SERINC5: variants seen among roughly 807,000 people sequenced by gnomAD.
SERINC5 encodes the protein serine incorporator 5, also known as chromosome 5 open reading frame 12.
Under a neutral mutation model 63.1 loss-of-function variants are expected in SERINC5, and 41 were observed. That is an observed-to-expected ratio of 0.65 (90% CI 0.51 to 0.84). SERINC5 has a LOEUF of 0.84. SERINC5 is among the 40% of genes least tolerant of loss of function. SERINC5 has a pLI of 0.00. For synonymous variants in SERINC5, 222 were observed against 215.2 expected, an observed-to-expected ratio of 1.03 and a Z score of -0.28; for missense variants, 523 against 573.0, an observed-to-expected ratio of 0.91 and a Z score of 0.89.
chr5:80,178,506 G>T (rs1423568027), intron 2 of SERINC5, among the ~76,000 whole-genome samples: 2 of 148,904 alleles, frequency 1.3e-5, no homozygotes, highest in African/African-American at 5.0e-5. Context: ...GGGACTACAG[G>T]CACGCACCAC....
intron 11 of SERINC5, among the ~76,000 whole-genome samples, chr5:80,118,761 A>G (rs903816684): frequency 3.3e-5 from 4 of 121,310 alleles, no homozygotes; most frequent in African/African-American, 1.3e-4. Flanking sequence ...TGCCATGTTG[A>G]CAAGGCTGCC....
intron 2 of SERINC5, among the ~76,000 whole-genome samples, 192 bp downstream of exon 2, chr5:80,202,694 G>C (rs1749917241): frequency 6.6e-6 from 1 of 152,164 alleles, no homozygotes; most frequent in Non-Finnish European, 1.5e-5. Context: ...TCAAGCTGTT[G>C]ATTGGTTTTC....
At chr5:80,191,263 T>C (rs1439247784) in intron 2 of SERINC5, among the ~76,000 whole-genome samples, 2 of 152,076 alleles carry the variant, frequency 1.3e-5, no homozygotes, top group Non-Finnish European at 2.9e-5. Context: ...ACAGTCGTTC[T>C]ACTTCACATT....
chr5:80,158,431 GA>G (rs1031931964), intron 8 of SERINC5: 1 of 178,190 alleles, frequency 5.6e-6, no homozygotes, highest in Non-Finnish European at 1.2e-5. Context: ...CTTTGGATCA[GA>G]AAGCTGCCAG....
intron 9 of SERINC5, among the ~76,000 whole-genome samples, chr5:80,150,144 T>G (rs1746075379): frequency 6.6e-6 from 1 of 152,194 alleles, no homozygotes; most frequent in South Asian, 2.1e-4. Flanking sequence ...CTTTCCTCTC[T>G]CCTTTCTTCC....
chr5:80,203,153 C>A, intron 1 of SERINC5, 100 bp from the exon 2 acceptor site: 1 of 1,208,636 alleles, frequency 8.3e-7, no homozygotes, highest in South Asian at 1.4e-5. Flanking sequence ...CCCTGCTACT[C>A]GGGGGGCTGG....
intron 2 of SERINC5, among the ~76,000 whole-genome samples, chr5:80,194,345 A>T (rs1749372742): frequency 6.6e-6 from 1 of 152,202 alleles, no homozygotes; most frequent in Non-Finnish European, 1.5e-5. Context: ...CTGAACATTC[A>T]ACCAGTAAAT....
At chr5:80,118,350 G>A (rs547454419) in intron 11 of SERINC5, among the ~76,000 whole-genome samples, 2 of 152,254 alleles carry the variant, frequency 1.3e-5, no homozygotes, top group Non-Finnish European at 2.9e-5. Flanking sequence ...ATCTTAGACT[G>A]TTCAGGCAAC....
intron 8 of SERINC5, among the ~76,000 whole-genome samples, chr5:80,153,878 C>T (rs1746345902): frequency 6.6e-6 from 1 of 152,218 alleles, no homozygotes; most frequent in South Asian, 2.1e-4. Context: ...AACCCCTTCA[C>T]ACTGGCAGAA....
intron 2 of SERINC5, among the ~76,000 whole-genome samples, chr5:80,186,187 A>G (rs1036488680): frequency 6.8e-6 from 1 of 147,072 alleles, no homozygotes; most frequent in Non-Finnish European, 1.5e-5. Flanking sequence ...CCCAGGCTGG[A>G]GTACAGTGGT....
At chr5:80,222,526 G>C (rs994628361) in intron 1 of SERINC5, among the ~76,000 whole-genome samples, 14 of 151,250 alleles carry the variant, frequency 9.3e-5, no homozygotes, top group Admixed American at 8.6e-4. Context: ...ATCCAACCCA[G>C]AAGTTTTGGT....
At chr5:80,129,953 G>C (rs950647006) in intron 11 of SERINC5, among the ~76,000 whole-genome samples, 2 of 152,114 alleles carry the variant, frequency 1.3e-5, no homozygotes, top group African/African-American at 4.8e-5. Context: ...CCTCAATATC[G>C]TCTTCAGTGC....
At position 80,239,243 on chromosome 5, in the gene SERINC5, C is replaced by A. The variant is rs572610843; in HGVS notation, c.27+16653G>T. On this transcript the variant is annotated intron_variant, in intron 1 of 11. Coordinates refer to ENST00000507668, the MANE Select transcript of SERINC5 (RefSeq NM_001174072.3). ...AACGGGCATTACGCCCATCAGAAAC[C>A]TCATCAGCAGCTGTGAGACTTTCTC... Among the ~76,000 whole-genome samples, 3 of 152,320 alleles carry A rather than the reference C, an allele frequency of 2.0e-5. No homozygotes were observed. The East Asian group carries it at 5.8e-4, about 29-fold the overall frequency.
intron 11 of SERINC5, among the ~76,000 whole-genome samples, chr5:80,132,235 C>T (rs1228606009): frequency 6.6e-6 from 1 of 152,144 alleles, no homozygotes; most frequent in Non-Finnish European, 1.5e-5. Context: ...TAGAGATGAA[C>T]TAAATAGCAC....
At chr5:80,178,881 T>C (rs560900605) in intron 2 of SERINC5, among the ~76,000 whole-genome samples, 1 of 152,210 alleles carries the variant, frequency 6.6e-6, no homozygotes, top group East Asian at 1.9e-4. Context: ...CACACTCACA[T>C]ATACATATAC....
At chr5:80,182,594 G>A (rs1261453314) in intron 2 of SERINC5, among the ~76,000 whole-genome samples, 1 of 145,402 alleles carries the variant, frequency 6.9e-6, no homozygotes, top group Non-Finnish European at 1.5e-5. Context: ...TGCCCAGGCT[G>A]GAGTGCAGTG....
At position 80,140,823 on chromosome 5, in the gene SERINC5, CT is replaced by C; in HGVS notation, c.*2839del. The C allele has an allele frequency of 1.0e-6, 1 of 985,346 alleles. No homozygotes were observed. Among genetic ancestry groups the C allele is most frequent in the Non-Finnish European group, 1.2e-6 (1 of 829,918 alleles). 61.0% of individuals were successfully genotyped at this position (985,346 alleles called of 1,614,324 possible). A position where few individuals can be genotyped will look rare whatever the true frequency, so the allele number is the denominator to read the frequency against. ...ACACAGAGGAAATATTCACATGCAG[CT>C]TTAAAAAAGTCCTCTTCAACTGTCA... On this transcript the variant is annotated 3_prime_UTR_variant, in exon 12 of 12. Transcript: ENST00000507668.
intron 1 of SERINC5, among the ~76,000 whole-genome samples, chr5:80,230,791 TTCTTTCTC>T (rs1302090750): frequency 1.4e-5 from 2 of 148,080 alleles, no homozygotes; most frequent in Non-Finnish European, 3.0e-5. Flanking sequence ...CTTTCTTTCT[TTCTTTCTC>T]TCTCTCTCTC....
chr5:80,209,228 G>A (rs1033932856), intron 1 of SERINC5, among the ~76,000 whole-genome samples: 2 of 152,128 alleles, frequency 1.3e-5, no homozygotes, highest in Admixed American at 6.6e-5. Flanking sequence ...CCGAGATCGC[G>A]CCACTGCACT....
Sources: gnomAD v4.1 joint callset for allele counts (sites outside exome capture counted in the v4.1 genomes callset) on GRCh38, gnomAD v4.1.1 for gene constraint, MANE v1.5 for transcripts, NCBI Gene and HGNC (gene_info 2026-07-23, HGNC 2026-07-21) for gene names.